CFAP61: variants seen among roughly 807,000 people sequenced by gnomAD.
CFAP61 encodes the protein cilia and flagella associated protein 61.
A neutral mutation model predicts 135.6 loss-of-function variants in CFAP61; 107 were observed. The observed-to-expected ratio is 0.79, with a 90% CI of 0.67 to 0.93. CFAP61 has a LOEUF of 0.93. Ranked by LOEUF, CFAP61 falls within the 40% of genes least tolerant of loss-of-function variation. The pLI is 0.00. For synonymous variants in CFAP61, 575 were observed against 578.5 expected, an observed-to-expected ratio of 0.99 and a Z score of 0.09; for missense variants, 1,507 against 1,556.2, an observed-to-expected ratio of 0.97 and a Z score of 0.53.
chr20:20,315,094 T>C (rs1431843191), intron 25 of CFAP61, among the ~76,000 whole-genome samples: 5,041 of 143,184 alleles, frequency 0.035, 334 homozygotes, highest in African/African-American at 0.13. Flanking sequence ...TAGTTCTAGA[T>C]CCCTGAGGAA....
intron 9 of CFAP61, among the ~76,000 whole-genome samples, chr20:20,149,692 C>T (rs1177090610): frequency 1.3e-5 from 2 of 152,222 alleles, no homozygotes; most frequent in African/African-American, 4.8e-5. Context: ...CTTCTAGGCA[C>T]TCCCATTCTC....
At chr20:20,155,943 C>G (rs2052869462) in intron 9 of CFAP61, among the ~76,000 whole-genome samples, 1 of 152,148 alleles carries the variant, frequency 6.6e-6, no homozygotes, top group Non-Finnish European at 1.5e-5. Context: ...GAAAAGAAGT[C>G]ATTATATGAA....
At position 20,085,265 on chromosome 20, in the gene CFAP61, G is replaced by A. The variant is rs562528240; in HGVS notation, c.567-5579G>A. 2.5e-4 allele frequency: 250 copies of A among 985,438 alleles called. No homozygotes were observed. The Middle Eastern group carries it at 4.7e-3, about 19-fold the overall frequency. The allele number at this position is 985,438 out of a possible 1,614,324, so 61.0% of individuals were successfully genotyped here. On this transcript the variant is annotated intron_variant, in intron 6 of 26. Coordinates refer to ENST00000245957, the MANE Select transcript of CFAP61 (RefSeq NM_015585.4). ...TCAGAACAGTCACGTTGAAACATTT[G>A]ACTGCATGAGTTGTTTTCCATAGCT...
intron 19 of CFAP61, among the ~76,000 whole-genome samples, chr20:20,249,936 A>T (rs562608451): frequency 6.6e-6 from 1 of 152,306 alleles, no homozygotes; most frequent in Admixed American, 6.5e-5. Flanking sequence ...CATTTCCTGT[A>T]TTCCTATAAA....
chr20:20,067,764 TATATGTATTTATTA>T (rs2045403345), intron 2 of CFAP61, among the ~76,000 whole-genome samples: 2 of 56,702 alleles, frequency 3.5e-5, no homozygotes, highest in Non-Finnish European at 1.2e-4. Context: ...TATATTATTA[TATATGTATTTATTA>T]TATATATATA....
chr20:20,189,942 C>T (rs2055801578), intron 14 of CFAP61, among the ~76,000 whole-genome samples: 1 of 152,068 alleles, frequency 6.6e-6, no homozygotes, highest in South Asian at 2.1e-4. Flanking sequence ...TTACACGTGC[C>T]TGCCTGTAAT....
chr20:20,315,512 C>A (rs1408302498), intron 25 of CFAP61, among the ~76,000 whole-genome samples: 3 of 152,080 alleles, frequency 2.0e-5, no homozygotes, highest in African/African-American at 4.8e-5. Flanking sequence ...ATGGTAGTTT[C>A]TTTTGCTGTG....
intron 8 of CFAP61, among the ~76,000 whole-genome samples, chr20:20,121,037 T>C (rs554695836): frequency 1.1e-3 from 166 of 152,150 alleles, no homozygotes; most frequent in African/African-American, 3.8e-3. Context: ...ATAGGTTTCT[T>C]GTAGGCAGCA....
chr20:20,161,877 C>T (rs2053433542), intron 10 of CFAP61, among the ~76,000 whole-genome samples: 1 of 138,024 alleles, frequency 7.2e-6, no homozygotes, highest in African/African-American at 2.8e-5. Context: ...CCAGCCACGC[C>T]CTCTCAATGC....
chr20:20,262,261 G>A lies in CFAP61; in HGVS notation c.2329-695G>A, dbSNP rs117361832. Reference sequence around the variant, plus strand: ...CTATCTCCATGAATCGAATATGGTGGAAGAGGCACTGCTCAACTTCCAAGA... The same window carrying A: ...CTATCTCCATGAATCGAATATGGTGAAAGAGGCACTGCTCAACTTCCAAGA... On this transcript the variant is annotated intron_variant, in intron 20 of 26. Coordinates refer to ENST00000245957, the MANE Select transcript of CFAP61 (RefSeq NM_015585.4). 2.8e-3 allele frequency among the ~76,000 whole-genome samples: 430 copies of A among 152,272 alleles called. 2 individuals are homozygous for A. The highest frequency in any genetic ancestry group is 0.02 in the East Asian group (105 of 5,170).
At chr20:20,337,905 C>G (rs891627446) in intron 25 of CFAP61, among the ~76,000 whole-genome samples, 1 of 152,132 alleles carries the variant, frequency 6.6e-6, no homozygotes. Flanking sequence ...GGAGGCCATC[C>G]CTGGCAACTG....
intron 2 of CFAP61, among the ~76,000 whole-genome samples, chr20:20,061,853 G>A (rs1051888485): frequency 6.6e-6 from 1 of 152,176 alleles, no homozygotes; most frequent in Non-Finnish European, 1.5e-5. Context: ...AGATGGCCTG[G>A]CAGCAGGGCT....
At chr20:20,069,779 C>A (rs559889622) in intron 2 of CFAP61, 1 of 455,978 alleles carries the variant, frequency 2.2e-6, no homozygotes, top group South Asian at 1.6e-5. Context: ...ACAGTGTATT[C>A]CTTCTGTGAT....
intron 16 of CFAP61, among the ~76,000 whole-genome samples, chr20:20,197,283 T>G (rs1009737196): frequency 6.6e-6 from 1 of 152,188 alleles, no homozygotes; most frequent in Non-Finnish European, 1.5e-5. Context: ...TGTAACCCCA[T>G]GTAACACTTG....
At chr20:20,076,661 C>T (rs1427452588) in intron 6 of CFAP61, among the ~76,000 whole-genome samples, 2 of 152,108 alleles carry the variant, frequency 1.3e-5, no homozygotes, top group Admixed American at 1.3e-4. Context: ...TTGGGATCAG[C>T]CATTGCTGTG....
intron 20 of CFAP61, among the ~76,000 whole-genome samples, chr20:20,255,163 T>C (rs1036101230): frequency 2.0e-5 from 3 of 152,342 alleles, no homozygotes; most frequent in African/African-American, 7.2e-5. Context: ...CTATAACTCC[T>C]TCTCCAGCCC....
intron 21 of CFAP61, among the ~76,000 whole-genome samples, chr20:20,275,358 G>A (rs993271816): frequency 2.1e-4 from 32 of 152,300 alleles, no homozygotes; most frequent in African/African-American, 6.0e-4. Context: ...TAAGATAACC[G>A]AAGTCTCATA....
At chr20:20,148,452 T>C (rs961992204) in intron 9 of CFAP61, among the ~76,000 whole-genome samples, 43 of 152,350 alleles carry the variant, frequency 2.8e-4, no homozygotes, top group Admixed American at 2.5e-3. Context: ...TAATTTTCCT[T>C]GTAGATCTTT....
intron 6 of CFAP61, among the ~76,000 whole-genome samples, chr20:20,089,100 A>G (rs2047001070): frequency 6.6e-6 from 1 of 152,004 alleles, no homozygotes; most frequent in Non-Finnish European, 1.5e-5. Flanking sequence ...TCCCCTCTCA[A>G]CTCTTTTGCT....
Sources: allele counts gnomAD v4.1 joint callset (sites outside exome capture counted in the v4.1 genomes callset), GRCh38; gene constraint gnomAD v4.1.1; transcripts MANE v1.5; gene names NCBI Gene and HGNC (gene_info 2026-07-23, HGNC 2026-07-21).